The following FRMPD4 variants were observed in gnomAD, a reference collection of about 807,000 sequenced individuals.
FRMPD4 encodes the protein FERM and PDZ domain-containing protein 4.
FRMPD4 carries 22 observed loss-of-function variants against 94.1 expected under a neutral mutation model. The observed-to-expected ratio is 0.23, with a 90% CI of 0.17 to 0.33. The LOEUF (loss-of-function observed/expected upper bound fraction) is 0.33. Among genes scored for constraint, FRMPD4 ranks in the 10% least tolerant of loss-of-function variants. The pLI is 1.00. For synonymous variants in FRMPD4, 631 were observed against 548.6 expected (o/e 1.15, Z -2.10); for missense variants, 1,111 against 1,339.9 (o/e 0.83, Z 2.67).
intron 1 of FRMPD4, among the ~76,000 whole-genome samples, chrX:12,449,955 C>T (rs1037024902): frequency 9.1e-6 from 1 of 109,456 alleles, no homozygotes; most frequent in Non-Finnish European, 1.9e-5. Context: ...CGCCACTGCA[C>T]TCCAGTCTGG....
At chrX:12,550,470 TC>T (rs1376256582) in intron 2 of FRMPD4, among the ~76,000 whole-genome samples, 1 of 111,655 alleles carries the variant, frequency 9.0e-6, no homozygotes, top group African/African-American at 3.2e-5. Flanking sequence ...TATTTATTTT[TC>T]CCAGGAAAGA....
chrX:12,174,418 G>A (rs191663529), intron 1 of FRMPD4, among the ~76,000 whole-genome samples: 1 of 112,362 alleles, frequency 8.9e-6, no homozygotes, highest in Non-Finnish European at 1.9e-5. Context: ...GCTGCTGCTT[G>A]TTAACACTCC....
intron 3 of FRMPD4, among the ~76,000 whole-genome samples, chrX:12,024,943 A>G (rs1386594073): frequency 8.9e-6 from 1 of 111,858 alleles, no homozygotes; most frequent in East Asian, 2.8e-4. Flanking sequence ...CCAATATATA[A>G]TTATTCTTTT....
chrX:12,470,483 C>T (rs898828745), intron 1 of FRMPD4, among the ~76,000 whole-genome samples: 7 of 111,970 alleles, frequency 6.3e-5, no homozygotes, highest in Non-Finnish European at 1.3e-4. Flanking sequence ...TATTCACTAA[C>T]GAACATTGCT....
chrX:12,645,347 C>CTTTTTTT (rs138817056), intron 4 of FRMPD4, among the ~76,000 whole-genome samples: 31 of 55,639 alleles, frequency 5.6e-4, no homozygotes, highest in African/African-American at 1.3e-3. Flanking sequence ...CACTCTCACT[C>CTTTTTTT]TTTTTTTTTT....
chrX:12,666,094 T>A (rs1418853850), intron 4 of FRMPD4, among the ~76,000 whole-genome samples: 3 of 62,980 alleles, frequency 4.8e-5, no homozygotes, highest in South Asian at 8.6e-4. Flanking sequence ...ACCAAGCAAA[T>A]GGAAAGCAAA....
At position 12,707,510 on chromosome X, in the gene FRMPD4, C is replaced by T; in HGVS notation, c.1329C>T (p.Pro443=). 8 of 1,206,939 alleles carry T rather than the reference C, an allele frequency of 6.6e-6. No individual in the cohort carries two copies. The highest frequency in any genetic ancestry group is 7.8e-6 in the Non-Finnish European group (7 of 892,641). ...KRSEVTLLVG[P]RYGISHVINT... Reference sequence around the variant, plus strand: ...CGGAAGTGACTCTCCTGGTTGGGCCCCGGTATGGCATAAGCCATGTCATCA... The same window carrying T: ...CGGAAGTGACTCTCCTGGTTGGGCCTCGGTATGGCATAAGCCATGTCATCA... Residue 443 remains proline (P), a synonymous_variant, in exon 13 of 17, where the codon CCC becomes CCT. Transcript: ENST00000675598.
At chrX:12,547,295 A>C (rs979321816) in intron 2 of FRMPD4, among the ~76,000 whole-genome samples, 1 of 111,106 alleles carries the variant, frequency 9.0e-6, no homozygotes, top group Non-Finnish European at 1.9e-5. Context: ...AGCCAATTCA[A>C]ACCCACACAG....
chrX:11,981,360 C>A (rs1052018226), intron 3 of FRMPD4, among the ~76,000 whole-genome samples: 2 of 111,322 alleles, frequency 1.8e-5, no homozygotes, highest in Admixed American at 1.9e-4. Context: ...GTCAATTTTG[C>A]TTAATATCTT....
chrX:12,271,979 G>C (rs1468588353), intron 1 of FRMPD4, among the ~76,000 whole-genome samples: 2 of 112,159 alleles, frequency 1.8e-5, no homozygotes, highest in Admixed American at 9.5e-5. Flanking sequence ...TCTTATTAGA[G>C]GCAGCACTGT....
rs34756228 is a variant in FRMPD4 at position 12,003,386 on chromosome X, AGT to A, written c.95+125397_95+125398del. ...CCCATTAACTTAATTCAGTTTGGCAAGTGTGTGTGTGTGTGTGTGTGTGTGTG... is the reference window on the plus strand; with the variant it reads ...CCCATTAACTTAATTCAGTTTGGCAAGTGTGTGTGTGTGTGTGTGTGTGTG... On this transcript the variant is annotated intron_variant, in intron 3 of 18. Transcript: ENST00000640291. Among the ~76,000 whole-genome samples the A allele has an allele frequency of 5.5e-3, 556 of 101,848 alleles. 4 individuals carry two copies. Among genetic ancestry groups the A allele is most frequent in the Middle Eastern group, 0.015 (3 of 199 alleles). 88.4% of individuals were successfully genotyped at this position (101,848 alleles called of 115,157 possible). A position where few individuals can be genotyped will look rare whatever the true frequency, so the allele number is the denominator to read the frequency against.
chrX:12,030,934 G>A (rs748286508), intron 3 of FRMPD4, among the ~76,000 whole-genome samples: 1 of 111,902 alleles, frequency 8.9e-6, no homozygotes, highest in Non-Finnish European at 1.9e-5. Context: ...GTGGGTTTGG[G>A]TGAGGATGAT....
At chrX:11,890,965 A>G (rs902512403) in intron 3 of FRMPD4, among the ~76,000 whole-genome samples, 3 of 112,683 alleles carry the variant, frequency 2.7e-5, no homozygotes, top group Non-Finnish European at 3.8e-5. Flanking sequence ...GCTCTGCCGT[A>G]TGTGTGCTGC....
At chrX:11,945,088 G>T (rs1275920398) in intron 3 of FRMPD4, among the ~76,000 whole-genome samples, 1 of 111,615 alleles carries the variant, frequency 9.0e-6, no homozygotes, top group African/African-American at 3.3e-5. Context: ...CAAGGCATTA[G>T]CATTTTAATG....
intron 1 of FRMPD4, among the ~76,000 whole-genome samples, chrX:12,439,199 A>C (rs1356356637): frequency 9.0e-6 from 1 of 111,316 alleles, no homozygotes; most frequent in Non-Finnish European, 1.9e-5. Context: ...CAGTGTATGC[A>C]GCCGTTGCCT....
At chrX:11,960,302 A>AT (rs1257061853) in intron 3 of FRMPD4, among the ~76,000 whole-genome samples, 1 of 111,581 alleles carries the variant, frequency 9.0e-6, no homozygotes, top group Non-Finnish European at 1.9e-5. Context: ...AATAAGTCAA[A>AT]TTCTTTCTCA....
chrX:12,250,849 C>T (rs374890030), intron 1 of FRMPD4, among the ~76,000 whole-genome samples: 22 of 111,020 alleles, frequency 2.0e-4, no homozygotes, highest in Admixed American at 8.7e-4. Context: ...CTCCACCGCT[C>T]TGCTCCCTTG....
intron 3 of FRMPD4, among the ~76,000 whole-genome samples, chrX:12,071,735 T>A (rs896134784): frequency 2.7e-5 from 3 of 111,554 alleles, no homozygotes; most frequent in South Asian, 3.8e-4. Flanking sequence ...GCCACCCGTG[T>A]CTGCTACTTG....
intron 3 of FRMPD4, among the ~76,000 whole-genome samples, chrX:11,975,374 T>C (rs1161835835): frequency 3.6e-5 from 4 of 112,457 alleles, no homozygotes; most frequent in Non-Finnish European, 7.5e-5. Context: ...TTAGTTTCCA[T>C]ATCCATAAAA....
Sources: gnomAD v4.1 joint callset for allele counts (sites outside exome capture counted in the v4.1 genomes callset) on GRCh38, gnomAD v4.1.1 for gene constraint, MANE v1.5 for transcripts, NCBI Gene and HGNC (gene_info 2026-07-23, HGNC 2026-07-21) for gene names.